MYT1: variants seen among roughly 807,000 people sequenced by gnomAD.
MYT1 encodes the protein myelin transcription factor 1.
MYT1 carries 23 observed loss-of-function variants against 123.0 expected under a neutral mutation model. The observed-to-expected ratio is 0.19, with a 90% CI of 0.13 to 0.26. The LOEUF (loss-of-function observed/expected upper bound fraction) is 0.26, where lower values mean the gene tolerates loss of function less well. Ranked by LOEUF, MYT1 falls within the 10% of genes least tolerant of loss-of-function variation. MYT1 has a pLI of 1.00. For synonymous variants in MYT1, 518 were observed against 575.3 expected, an observed-to-expected ratio of 0.90 and a Z score of 1.43; for missense variants, 1,125 against 1,472.5, an observed-to-expected ratio of 0.76 and a Z score of 3.86.
chr20:64,215,386 G>T (rs1305373723), intron 10 of MYT1, among the ~76,000 whole-genome samples: 2 of 152,216 alleles, frequency 1.3e-5, no homozygotes, highest in African/African-American at 4.8e-5. Context: ...ACGCTAGAGA[G>T]ATTGTGGCTA....
intron 1 of MYT1, among the ~76,000 whole-genome samples, chr20:64,165,751 C>T (rs1982061242): frequency 6.6e-6 from 1 of 152,088 alleles, no homozygotes; most frequent in African/African-American, 2.4e-5. Context: ...GGCATGGACT[C>T]TGTCACGATG....
intron 19 of MYT1, among the ~76,000 whole-genome samples, chr20:64,233,924 T>C (rs1984419403): frequency 6.6e-6 from 1 of 152,152 alleles, no homozygotes. Flanking sequence ...CCAGGGCTTA[T>C]CTGGCTGCCC....
In MYT1 at chr20:64,239,915, G is replaced by A. The variant is rs367614480; in HGVS notation, c.3237+12G>A. On this transcript the variant is annotated intron_variant, in intron 22 of 22. Transcript: ENST00000328439. ...GCCTTCCGCACATGGTAGGCAGCACGCGGGCCTGCCGGCACCACAGCTACC... is the reference window on the plus strand; with the variant it reads ...GCCTTCCGCACATGGTAGGCAGCACACGGGCCTGCCGGCACCACAGCTACC... The A allele has an allele frequency of 2.5e-5, 40 of 1,610,370 alleles. No individual in the cohort carries two copies. Among genetic ancestry groups the A allele is most frequent in the East Asian group, 1.6e-4 (7 of 44,898 alleles).
intron 16 of MYT1, among the ~76,000 whole-genome samples, chr20:64,226,309 C>T (rs531901220): frequency 1.3e-3 from 202 of 152,370 alleles, no homozygotes; most frequent in Non-Finnish European, 2.2e-3. Context: ...TGCTGTGCCG[C>T]CACAGCCCTT....
Position 64,189,338 on chromosome 20 carries a change from G to A in MYT1, c.-98-725G>A, listed in dbSNP as rs1045332833. 1.2e-4 allele frequency among the ~76,000 whole-genome samples: 19 copies of A among 152,238 alleles called. No homozygotes were observed. Among genetic ancestry groups the A allele is most frequent in the Admixed American group, 3.3e-4 (5 of 15,278 alleles). On this transcript the variant is annotated intron_variant, in intron 1 of 22. Coordinates refer to ENST00000328439, the MANE Select transcript of MYT1 (RefSeq NM_004535.3). This position sits in a 1 kb window ranked among gnomAD's most constrained non-coding sequence, Gnocchi z 5.5. ...GGTTGTCATGGAAACGGGGAGTGAC[G>A]TGCAGGGAATAGGTACACAATGCGT... is the stretch of plus-strand genomic sequence containing the variant.
At chr20:64,204,232 G>T (rs7508788) in intron 4 of MYT1, among the ~76,000 whole-genome samples, 1 of 152,242 alleles carries the variant, frequency 6.6e-6, no homozygotes, top group Non-Finnish European at 1.5e-5. Flanking sequence ...CTCATGCTCA[G>T]AAGTTTCCAG....
chr20:64,221,273 C>T (rs538173982), intron 13 of MYT1, among the ~76,000 whole-genome samples: 1 of 152,262 alleles, frequency 6.6e-6, no homozygotes, highest in East Asian at 1.9e-4. Context: ...CCTTCTGACC[C>T]TTCCTGGACC....
chr20:64,223,246 T>A, intron 15 of MYT1, 45 bp from the exon 16 acceptor site: 1 of 1,613,514 alleles, frequency 6.2e-7, no homozygotes, highest in East Asian at 2.2e-5. Flanking sequence ...CCTCCTCTGC[T>A]CTCCCTCTTT....
At chr20:64,214,865 T>A (rs1235569746) in intron 10 of MYT1, among the ~76,000 whole-genome samples, 2 of 152,230 alleles carry the variant, frequency 1.3e-5, no homozygotes, top group Non-Finnish European at 2.9e-5. Context: ...TCCAGCCAGA[T>A]GATCTTCGCT....
At chr20:64,229,923 G>C (rs1194186819) in intron 18 of MYT1, among the ~76,000 whole-genome samples, 1 of 152,068 alleles carries the variant, frequency 6.6e-6, no homozygotes, top group Non-Finnish European at 1.5e-5. Flanking sequence ...GGGACTTCTG[G>C]TCCTGGCCAT....
intron 16 of MYT1, among the ~76,000 whole-genome samples, chr20:64,226,231 C>T (rs1471335660): frequency 6.6e-6 from 1 of 152,228 alleles, no homozygotes; most frequent in Non-Finnish European, 1.5e-5. Flanking sequence ...ATGTGAGGCT[C>T]CCCAGGAGGG....
Position 64,207,659 on chromosome 20 carries a change from G to A in MYT1, c.463G>A (p.Gly155Ser), listed in dbSNP as rs1029422573. ...CGGCAGCGCCACTGCCTCCTCCAAG[G>A]GCAGCTACAGCAGCTACCAGGGAAT... ...PIGSATASSK[G>S]SYSSYQGIIA... Residue 155 changes from glycine (G) to serine (S), a missense_variant, in exon 7 of 23, where the codon GGC becomes AGC. Physicochemically the swap from Gly to Ser is moderately conservative, Grantham distance 56. Coordinates refer to ENST00000328439, the MANE Select transcript of MYT1 (RefSeq NM_004535.3). 2.2e-5 allele frequency: 36 copies of A among 1,613,820 alleles called. No individual in the cohort carries two copies. The highest frequency in any genetic ancestry group is 2.9e-5 in the Non-Finnish European group (34 of 1,180,012).
chr20:64,202,331 C>T lies in MYT1; in HGVS notation c.86+2409C>T, dbSNP rs964276468. ...TTGATGGTTTTTCCTTTCACCCCATCGGGAGAACTGATGACGTTTCAGCTT... is the reference window on the plus strand; with the variant it reads ...TTGATGGTTTTTCCTTTCACCCCATTGGGAGAACTGATGACGTTTCAGCTT... On this transcript the variant is annotated intron_variant, in intron 4 of 22. Coordinates refer to ENST00000328439, the MANE Select transcript of MYT1 (RefSeq NM_004535.3). The surrounding 1 kb of genome is among the most constrained non-coding windows in gnomAD (Gnocchi z 5.0). Among the ~76,000 whole-genome samples the T allele has an allele frequency of 3.3e-5, 5 of 152,290 alleles. No homozygotes were observed. The highest frequency in any genetic ancestry group is 3.9e-4 in the East Asian group (2 of 5,164).
At chr20:64,240,025 T>C (rs1329360024) in intron 22 of MYT1, 122 bp downstream of exon 22, 1 of 1,419,748 alleles carries the variant, frequency 7.0e-7, no homozygotes, top group Non-Finnish European at 9.5e-7. Flanking sequence ...CCCTGTGCCC[T>C]TGTGGAGATT....
At chr20:64,215,444 C>T (rs757132026) in intron 10 of MYT1, among the ~76,000 whole-genome samples, 1 of 152,210 alleles carries the variant, frequency 6.6e-6, no homozygotes, top group Non-Finnish European at 1.5e-5. Flanking sequence ...ATCCAGCCCA[C>T]ATTTCTGGCT....
intron 18 of MYT1, among the ~76,000 whole-genome samples, chr20:64,228,884 G>T (rs569723691): frequency 3.1e-4 from 47 of 152,206 alleles, no homozygotes; most frequent in Non-Finnish European, 6.5e-4. Context: ...GGCCGGCTCG[G>T]TCGGGACGGG....
intron 10 of MYT1, among the ~76,000 whole-genome samples, chr20:64,216,535 C>T (rs1983843507): frequency 6.6e-6 from 1 of 152,226 alleles, no homozygotes; most frequent in African/African-American, 2.4e-5. Flanking sequence ...GAGTCCCTGG[C>T]TGAATGAAGA....
intron 1 of MYT1, among the ~76,000 whole-genome samples, chr20:64,184,293 T>C (rs1220710530): frequency 1.3e-5 from 2 of 152,122 alleles, no homozygotes; most frequent in African/African-American, 4.8e-5. Flanking sequence ...CATTTACATA[T>C]GTGATCCAGT....
intron 2 of MYT1, among the ~76,000 whole-genome samples, chr20:64,195,833 T>C (rs943956619): frequency 2.0e-5 from 3 of 152,220 alleles, no homozygotes; most frequent in African/African-American, 7.2e-5. Flanking sequence ...GTTAAATGGA[T>C]GGACAAAGAG....
Sources: allele counts gnomAD v4.1 joint callset (sites outside exome capture counted in the v4.1 genomes callset), GRCh38; gene constraint gnomAD v4.1.1; non-coding constraint Gnocchi (gnomAD v3.1); transcripts MANE v1.5; gene names NCBI Gene and HGNC (gene_info 2026-07-23, HGNC 2026-07-21).